The following KTN1 variants were observed in gnomAD, a reference collection of about 807,000 sequenced individuals.
The protein encoded by KTN1 is kinectin.
Under a neutral mutation model 222.5 loss-of-function variants are expected in KTN1, and 130 were observed. That is an observed-to-expected ratio of 0.58 (90% CI 0.51 to 0.68). The LOEUF (loss-of-function observed/expected upper bound fraction) is 0.68. KTN1 is among the 30% of genes least tolerant of loss of function. The probability of loss-of-function intolerance (pLI) is 0.00; values close to 1 mark genes in which losing one functional copy is unlikely to be tolerated. For synonymous variants in KTN1, 512 were observed against 496.3 expected (o/e 1.03, Z -0.42); for missense variants, 1,508 against 1,500.4 (o/e 1.01, Z -0.08).
chr14:55,588,054 C>T (rs1279764988), intron 1 of KTN1, among the ~76,000 whole-genome samples: 2 of 152,142 alleles, frequency 1.3e-5, no homozygotes, highest in South Asian at 2.1e-4. Flanking sequence ...GCACCCTGTA[C>T]AGTCAGAAAT....
At position 55,633,232 on chromosome 14, in the gene KTN1, T is replaced by C. The variant is rs779028782; in HGVS notation, c.1222-3T>C. On this transcript the variant is annotated splice_polypyrimidine_tract_variant and splice_region_variant and intron_variant, in intron 7 of 43. Transcript: ENST00000395314. ...AAGTTTTATGTGTGTAAAATAATTT[T>C]AGTTTCAGCAAGTTCGTGAGCAGAT... 6.4e-6 allele frequency: 10 copies of C among 1,556,448 alleles called. No individual in the cohort carries two copies. The highest frequency in any genetic ancestry group is 8.7e-6 in the Non-Finnish European group (10 of 1,149,804).
intron 1 of KTN1, among the ~76,000 whole-genome samples, chr14:55,605,440 A>G (rs938366715): frequency 6.6e-6 from 1 of 152,100 alleles, no homozygotes; most frequent in Non-Finnish European, 1.5e-5. Context: ...AATAATTTTT[A>G]AAAACCTTAA....
Position 55,612,578 on chromosome 14 carries a change from T to C in KTN1, c.523+7T>C, listed in dbSNP as rs1310547763. On this transcript the variant is annotated splice_region_variant and intron_variant, in intron 2 of 43. Transcript: ENST00000395314. ...AAGTCTAAAAATGGAAGCGGTATTG[T>C]AATCTATTTAATCTATTTAATTTTA... is the stretch of plus-strand genomic sequence containing the variant. 8 of 1,542,186 alleles carry C rather than the reference T, an allele frequency of 5.2e-6. No individual in the cohort carries two copies. Among genetic ancestry groups the C allele is most frequent in the African/African-American group, 1.4e-5 (1 of 71,808 alleles).
chr14:55,616,574 T>G lies in KTN1; in HGVS notation c.581T>G (p.Leu194Trp). Residue 194 changes from leucine (L) to tryptophan (W), a missense_variant, in exon 3 of 44, where the codon TTG (leucine) becomes TGG (tryptophan). Transcript: ENST00000395314. Reference sequence around the variant, plus strand: ...GTACCATCAAAAAGGCAAGAAGCATTGCCCCTCCACCAAGAGACTAAACAA... The same window carrying G: ...GTACCATCAAAAAGGCAAGAAGCATGGCCCCTCCACCAAGAGACTAAACAA... ...LMVPSKRQEALPLHQETKQES... is the reference protein window; with the variant it reads ...LMVPSKRQEAWPLHQETKQES... 6.2e-7 allele frequency: 1 copy of G among 1,608,024 alleles called. No individual in the cohort carries two copies. Among genetic ancestry groups the G allele is most frequent in the East Asian group, 2.2e-5 (1 of 44,764 alleles).
intron 18 of KTN1, among the ~76,000 whole-genome samples, chr14:55,646,384 T>TCCCAGC (rs2042276685): frequency 6.6e-6 from 1 of 151,876 alleles, no homozygotes; most frequent in Non-Finnish European, 1.5e-5. Flanking sequence ...AGAGCCCATG[T>TCCCAGC]TTGTCTGTCT....
chr14:55,586,267 A>G (rs529383750), intron 1 of KTN1, among the ~76,000 whole-genome samples: 2 of 152,322 alleles, frequency 1.3e-5, no homozygotes, highest in Admixed American at 6.5e-5. Context: ...TAGTTTTGCT[A>G]GTCAGTACCA....
At chr14:55,635,404 C>T (rs1001808809) in intron 9 of KTN1, among the ~76,000 whole-genome samples, 1 of 152,126 alleles carries the variant, frequency 6.6e-6, no homozygotes, top group Non-Finnish European at 1.5e-5. Flanking sequence ...TTCAGTAGGT[C>T]CAGCAGAACC....
chr14:55,597,847 A>G (rs2035311139), intron 1 of KTN1, among the ~76,000 whole-genome samples: 1 of 150,118 alleles, frequency 6.7e-6, no homozygotes, highest in African/African-American at 2.4e-5. Flanking sequence ...GTCAGACCCT[A>G]TCTCAAAAAA....
intron 5 of KTN1, among the ~76,000 whole-genome samples, chr14:55,621,881 C>T (rs537417779): frequency 1.5e-5 from 2 of 135,122 alleles, no homozygotes; most frequent in South Asian, 4.6e-4. Context: ...CAGAGTCTTG[C>T]TCTGTTGCCC....
At chr14:55,595,026 G>C (rs1469482636) in intron 1 of KTN1, among the ~76,000 whole-genome samples, 1 of 152,190 alleles carries the variant, frequency 6.6e-6, no homozygotes, top group Non-Finnish European at 1.5e-5. Flanking sequence ...ACAAACACAA[G>C]TTGTTCACAA....
intron 14 of KTN1, 125 bp downstream of exon 14, chr14:55,640,128 G>A: frequency 1.4e-6 from 1 of 708,428 alleles, no homozygotes; most frequent in South Asian, 1.8e-5. Context: ...TGAAATAACT[G>A]TTTTTCTAAA....
rs781761370 is a variant in KTN1, at chr14:55,659,702, G to A, written c.2998G>A (p.Val1000Ile). 2 of 1,466,342 alleles carry A rather than the reference G, an allele frequency of 1.4e-6. No individual in the cohort carries two copies. The highest frequency in any genetic ancestry group is 1.1e-5 in the South Asian group (1 of 87,568). 90.8% of individuals were successfully genotyped at this position (1,466,342 alleles called of 1,614,324 possible). The change falls in exon 31 of 44, where the codon GTA becomes ATA. Residue 1000 changes from valine (V) to isoleucine (I), a missense_variant and splice_region_variant. Physicochemically the swap from Val to Ile is conservative, Grantham distance 29 (BLOSUM62 3). Coordinates refer to ENST00000395314, the MANE Select transcript of KTN1 (RefSeq NM_001079521.2). ...SFPPHEELLK[V>I]ISEREKEISG... The stretch of plus-strand genomic sequence containing the variant: ...TCCCCCTCATGAAGAATTATTAAAA[G>A]TGTAAGTAATAAGTTTGAGTCACAG...
chr14:55,628,484 A>G (rs1000711188), intron 6 of KTN1, among the ~76,000 whole-genome samples: 2 of 152,224 alleles, frequency 1.3e-5, no homozygotes, highest in Non-Finnish European at 2.9e-5. Context: ...TGAGAGGTTA[A>G]TAGTAAAAAA....
At chr14:55,630,249 T>C in intron 7 of KTN1, 152 bp downstream of exon 7, 3 of 669,932 alleles carry the variant, frequency 4.5e-6, no homozygotes, top group South Asian at 3.7e-5. Context: ...AAACAACTTT[T>C]CTAGGTGGGG....
rs768397738 is a variant in KTN1 at position 55,663,988 on chromosome 14, G to T, written c.3124G>T (p.Ala1042Ser). ...GGAGAAAAACTGGGAAGCAATGGAAGCATTGGCATCAACTGAAAAAATGCT... is the reference window on the plus strand; with the variant it reads ...GGAGAAAAACTGGGAAGCAATGGAATCATTGGCATCAACTGAAAAAATGCT... The part of the protein sequence containing the change: ...LREKNWEAME[A>S]LASTEKMLQD... The change falls in exon 33 of 44, where the codon GCA (alanine) becomes TCA (serine). Residue 1042 changes from alanine to serine, a missense_variant. By Grantham distance (99) the Ala-to-Ser change is moderately conservative. Transcript: ENST00000395314. 5.0e-6 allele frequency: 8 copies of T among 1,612,500 alleles called. No individual in the cohort carries two copies. Among genetic ancestry groups the T allele is most frequent in the East Asian group, 2.2e-5 (1 of 44,778 alleles).
intron 1 of KTN1, chr14:55,607,532 C>G (rs1431684296): frequency 6.6e-6 from 1 of 151,994 alleles, no homozygotes; most frequent in Non-Finnish European, 1.5e-5. Context: ...AGATTTATGT[C>G]CGAGTGAAAG....
At chr14:55,664,206 C>CT (rs1322039784) in intron 33 of KTN1, among the ~76,000 whole-genome samples, 165 bp downstream of exon 33, 5 of 152,070 alleles carry the variant, frequency 3.3e-5, no homozygotes, top group Non-Finnish European at 7.4e-5. Flanking sequence ...CTCCTTGAAG[C>CT]TTTAATTTTG....
chr14:55,675,812 G>A, intron 40 of KTN1, 23 bp from the exon 41 acceptor site: 1 of 1,470,038 alleles, frequency 6.8e-7, no homozygotes, highest in Non-Finnish European at 9.5e-7. Flanking sequence ...TAAGTTAATT[G>A]TGGTGTTCCT....
intron 5 of KTN1, among the ~76,000 whole-genome samples, chr14:55,624,457 A>G (rs770690180): frequency 1.3e-5 from 2 of 152,202 alleles, no homozygotes; most frequent in African/African-American, 2.4e-5. Flanking sequence ...AACACTTTGT[A>G]GAGAGTAGAG....
Sources: gnomAD v4.1 joint callset for allele counts (sites outside exome capture counted in the v4.1 genomes callset) on GRCh38, gnomAD v4.1.1 for gene constraint, MANE v1.5 for transcripts, NCBI Gene and HGNC (gene_info 2026-07-23, HGNC 2026-07-21) for gene names.